Variants in DPP10 observed in about 807,000 individuals in gnomAD.
The protein encoded by DPP10 is dipeptidyl peptidase like 10, also known as inactive dipeptidyl peptidase 10.
Under a neutral mutation model 120.9 loss-of-function variants are expected in DPP10, and 33 were observed. That is an observed-to-expected ratio of 0.27 (90% CI 0.21 to 0.37). DPP10 has a LOEUF of 0.37. Among genes scored for constraint, DPP10 ranks in the 10% least tolerant of loss-of-function variants. DPP10 has a pLI of 1.00. For synonymous variants in DPP10, 337 were observed against 326.1 expected (o/e 1.03, Z -0.36); for missense variants, 816 against 942.8 (o/e 0.87, Z 1.76).
intron 1 of DPP10, among the ~76,000 whole-genome samples, chr2:115,130,140 C>T (rs1380284872): frequency 6.6e-6 from 1 of 152,188 alleles, no homozygotes; most frequent in East Asian, 1.9e-4. Context: ...AGGTCTGCCT[C>T]CCCTATAGTT....
intron 3 of DPP10, among the ~76,000 whole-genome samples, chr2:115,358,714 G>A (rs750810211): frequency 9.2e-5 from 14 of 152,142 alleles, no homozygotes; most frequent in African/African-American, 2.4e-5. Context: ...CTGAGACTGA[G>A]TAATTTATAA....
At chr2:115,557,438 A>G (rs533440889) in intron 5 of DPP10, among the ~76,000 whole-genome samples, 2 of 152,136 alleles carry the variant, frequency 1.3e-5, no homozygotes, top group Non-Finnish European at 2.9e-5. Context: ...TCCATCATCG[A>G]GAGTTTCTTC....
intron 11 of DPP10, among the ~76,000 whole-genome samples, chr2:115,757,993 A>T (rs1679637236): frequency 6.6e-6 from 1 of 152,116 alleles, no homozygotes. Context: ...AAGGGTATCC[A>T]TTCTCAGTAC....
At chr2:115,510,836 C>T (rs2077185045) in intron 4 of DPP10, among the ~76,000 whole-genome samples, 2 of 151,886 alleles carry the variant, frequency 1.3e-5, no homozygotes, top group Admixed American at 6.6e-5. Flanking sequence ...TATATTTTTC[C>T]ATCTAAAAAT....
At chr2:114,676,100 C>T (rs765572684) in intron 1 of DPP10, among the ~76,000 whole-genome samples, 72 of 152,076 alleles carry the variant, frequency 4.7e-4, no homozygotes, top group Non-Finnish European at 1.0e-3. Flanking sequence ...ATGCCCAGCC[C>T]ATCTCTAAGA....
At chr2:114,678,929 C>T (rs1369852840) in intron 1 of DPP10, among the ~76,000 whole-genome samples, 5 of 152,022 alleles carry the variant, frequency 3.3e-5, no homozygotes, top group African/African-American at 9.7e-5. Context: ...ATCAGACACA[C>T]GGATGCGTCT....
intron 3 of DPP10, among the ~76,000 whole-genome samples, chr2:115,392,219 G>A (rs570047208): frequency 1.3e-5 from 2 of 151,396 alleles, no homozygotes; most frequent in Admixed American, 6.6e-5. Context: ...TCTTCCCCCC[G>A]CAAAGCCTGA....
chr2:114,742,060 C>G (rs1051143702), intron 1 of DPP10, among the ~76,000 whole-genome samples: 1 of 151,910 alleles, frequency 6.6e-6, no homozygotes, highest in Admixed American at 6.6e-5. Context: ...TGCAGATGTA[C>G]AAAAAAGGTA....
chr2:115,414,059 C>T (rs1258057106), intron 3 of DPP10, among the ~76,000 whole-genome samples: 1 of 152,114 alleles, frequency 6.6e-6, no homozygotes, highest in Admixed American at 6.6e-5. Flanking sequence ...CCTTTAGCTT[C>T]TCCCGTCTCT....
intron 1 of DPP10, among the ~76,000 whole-genome samples, chr2:114,634,316 A>C (rs1360299086): frequency 1.3e-5 from 2 of 151,950 alleles, no homozygotes; most frequent in Non-Finnish European, 2.9e-5. Flanking sequence ...GAGAGGTCTC[A>C]TTCCTATCCT....
chr2:114,565,798 T>C (rs1689149606), intron 1 of DPP10, among the ~76,000 whole-genome samples: 1 of 152,220 alleles, frequency 6.6e-6, no homozygotes, highest in African/African-American at 2.4e-5. Flanking sequence ...TCCTTGTATT[T>C]AAAGTGGATA....
At chr2:114,563,242 G>A (rs956710637) in intron 1 of DPP10, among the ~76,000 whole-genome samples, 4 of 151,940 alleles carry the variant, frequency 2.6e-5, no homozygotes, top group African/African-American at 4.8e-5. Context: ...CATGGTGGCC[G>A]GCACCTGTAG....
At chr2:114,786,444 T>G (rs1682774945) in intron 1 of DPP10, among the ~76,000 whole-genome samples, 1 of 152,166 alleles carries the variant, frequency 6.6e-6, no homozygotes, top group African/African-American at 2.4e-5. Context: ...TCTGCCCAGA[T>G]GGTGAGGCAT....
intron 1 of DPP10, among the ~76,000 whole-genome samples, chr2:114,498,372 T>C (rs560243330): frequency 1.3e-5 from 2 of 152,288 alleles, no homozygotes; most frequent in African/African-American, 4.8e-5. Context: ...TCTCTACTTC[T>C]GTAAGTTTAA....
chr2:114,453,891 T>G (rs1045364066), intron 1 of DPP10, among the ~76,000 whole-genome samples: 6 of 152,326 alleles, frequency 3.9e-5, no homozygotes, highest in Admixed American at 3.9e-4. Context: ...CAATAGATAT[T>G]AAGTTGCACA....
chr2:114,766,548 T>C (rs980969298), intron 1 of DPP10, among the ~76,000 whole-genome samples: 5 of 152,016 alleles, frequency 3.3e-5, no homozygotes, highest in African/African-American at 7.2e-5. Context: ...AGTGGGTGAA[T>C]GGTTAACAGG....
At chr2:115,555,722 T>C (rs1013231334) in intron 5 of DPP10, among the ~76,000 whole-genome samples, 5 of 152,136 alleles carry the variant, frequency 3.3e-5, no homozygotes, top group Non-Finnish European at 7.4e-5. Flanking sequence ...GGTCCCTTCA[T>C]ATGATTATGT....
chr2:114,548,282 G>C (rs1361095779), intron 1 of DPP10, among the ~76,000 whole-genome samples: 1 of 152,176 alleles, frequency 6.6e-6, no homozygotes, highest in Admixed American at 6.5e-5. Context: ...CGGCATTCCT[G>C]ATTCCGTCAT....
At chr2:114,570,465 T>C (rs1360270984) in intron 1 of DPP10, among the ~76,000 whole-genome samples, 1 of 151,850 alleles carries the variant, frequency 6.6e-6, no homozygotes, top group African/African-American at 2.4e-5. Context: ...ATCCCTTAGG[T>C]AGGAGCTTTG....
Sources: allele counts gnomAD v4.1 joint callset (sites outside exome capture counted in the v4.1 genomes callset), GRCh38; gene constraint gnomAD v4.1.1; transcripts MANE v1.5; gene names NCBI Gene and HGNC (gene_info 2026-07-23, HGNC 2026-07-21).